APOH: variants seen among roughly 807,000 people sequenced by gnomAD.
The protein encoded by APOH is beta-2-glycoprotein 1.
In APOH, 48 loss-of-function variants were observed where a neutral mutation model predicts 39.8. The ratio of observed to expected loss-of-function variants is 1.21; its 90% CI spans 0.96 to 1.54. APOH has a LOEUF of 1.54. Among genes scored for constraint, APOH ranks in the 40% most tolerant of loss-of-function variants. APOH has a pLI of 0.00. For missense variants in APOH, 415 were observed against 421.2 expected, an observed-to-expected ratio of 0.99 and a Z score of 0.13; for synonymous variants, 153 against 151.1, an observed-to-expected ratio of 1.01 and a Z score of -0.09.
intron 3 of APOH, among the ~76,000 whole-genome samples, chr17:66,225,749 C>T (rs543263811): frequency 8.2e-4 from 124 of 152,132 alleles, no homozygotes; most frequent in African/African-American, 2.7e-3. Flanking sequence ...TGGTGGCGGG[C>T]GCCAGTAGTC....
Position 66,228,102 on chromosome 17 carries a change from C to G in APOH, c.159G>C (p.Pro53=). ...TCATCCCTCCTCGGGACACATAGCC[C>G]GGCTTGCAGGAATACGTAATCTCTT... ...PGEEITYSCK[P]GYVSRGGMRK... is the part of the protein sequence containing the mutation. The change falls in exon 2 of 8, where the codon CCG becomes CCC. Residue 53 remains proline (P), a synonymous_variant. Transcript: ENST00000205948. The G allele has an allele frequency of 6.2e-7, 1 of 1,614,200 alleles. No homozygotes were observed. Among genetic ancestry groups the G allele is most frequent in the Admixed American group, 1.7e-5 (1 of 60,020 alleles).
chr17:66,223,576 C>CA, intron 4 of APOH, 122 bp downstream of exon 4: 1 of 843,392 alleles, frequency 1.2e-6, no homozygotes, highest in Non-Finnish European at 2.0e-6. Flanking sequence ...TGAATATCCC[C>CA]CACAAGGGTG....
rs769732814 is a variant in APOH, at chr17:66,214,651, C to T, written c.785-1G>A. The T allele has an allele frequency of 6.2e-7, 1 of 1,609,468 alleles. No homozygotes were observed. ...TTTTTCACAGGTACTTTACAAGATGCTGAAAGAGAGAATACTTGTAATCAG... is the reference window on the plus strand; with the variant it reads ...TTTTTCACAGGTACTTTACAAGATGTTGAAAGAGAGAATACTTGTAATCAG... On this transcript the variant is annotated splice_acceptor_variant, in intron 6 of 7. Coordinates refer to ENST00000205948, the MANE Select transcript of APOH (RefSeq NM_000042.3). LOFTEE classifies it high-confidence loss of function.
Position 66,220,584 on chromosome 17 carries a change from C to T in APOH, c.574G>A (p.Gly192Arg), listed in dbSNP as rs1470334644. 3 of 1,614,014 alleles carry T rather than the reference C, an allele frequency of 1.9e-6. No homozygotes were observed. In the East Asian group the frequency reaches 6.7e-5, roughly 36 times the overall value. ...CATTCTGGTAATTTAGTCCAATTTC[C>T]ATGTGTCGTGCAGGTAATTGTATCA... ...GNDTITCTTHGNWTKLPECRE... is the reference protein window; with the variant it reads ...GNDTITCTTHRNWTKLPECRE... The change falls in exon 5 of 8, where the codon GGA (glycine) becomes AGA (arginine). Residue 192 changes from glycine (G) to arginine (R), a missense_variant. Coordinates refer to ENST00000205948, the MANE Select transcript of APOH (RefSeq NM_000042.3).
intron 5 of APOH, 71 bp from the exon 6 acceptor site, chr17:66,217,038 C>G (rs2073370101): frequency 7.8e-7 from 1 of 1,275,602 alleles, no homozygotes; most frequent in Non-Finnish European, 1.1e-6. Context: ...ATAGTTACAT[C>G]CTTGTCTCTG....
intron 6 of APOH, 83 bp downstream of exon 6, chr17:66,216,705 T>G (rs1320603765): frequency 2.0e-5 from 27 of 1,374,642 alleles, no homozygotes; most frequent in Non-Finnish European, 2.6e-5. Context: ...AGTGGAAAAG[T>G]GTTGGAACAA....
chr17:66,216,074 TCTGTAATCA>T (rs1399646040), intron 6 of APOH, among the ~76,000 whole-genome samples: 4 of 151,390 alleles, frequency 2.6e-5, no homozygotes, highest in Non-Finnish European at 4.4e-5. Context: ...GTGGCTCACA[TCTGTAATCA>T]CTCGAACCTG....
In APOH at chr17:66,223,693, C is replaced by G. The variant is rs2146997365; in HGVS notation, c.415+5G>C. 6.2e-7 allele frequency: 1 copy of G among 1,614,072 alleles called. No individual in the cohort carries two copies. The highest frequency in any genetic ancestry group is 8.5e-7 in the Non-Finnish European group (1 of 1,179,916). Reference sequence around the variant, plus strand: ...ACCAGCTGATCACCTTGCCCACAGACTTACGAGCACAGACAGGAAGCTCCG... The same window carrying G: ...ACCAGCTGATCACCTTGCCCACAGAGTTACGAGCACAGACAGGAAGCTCCG... On this transcript the variant is annotated splice_donor_5th_base_variant and intron_variant, in intron 4 of 7. Coordinates refer to ENST00000205948, the MANE Select transcript of APOH (RefSeq NM_000042.3).
chr17:66,222,551 C>G (rs2073408821), intron 4 of APOH, among the ~76,000 whole-genome samples: 1 of 140,402 alleles, frequency 7.1e-6, no homozygotes, highest in Non-Finnish European at 1.5e-5. Flanking sequence ...TTTGAAATTG[C>G]TTTACTTTCC....
At chr17:66,227,190 TA>T (rs2073445359) in intron 2 of APOH, among the ~76,000 whole-genome samples, 2 of 152,144 alleles carry the variant, frequency 1.3e-5, no homozygotes, top group Non-Finnish European at 2.9e-5. Flanking sequence ...GGCCCTGATT[TA>T]AAGAAAAATT....
intron 5 of APOH, among the ~76,000 whole-genome samples, 166 bp downstream of exon 5, chr17:66,220,388 C>G (rs951426903): frequency 6.6e-6 from 1 of 152,168 alleles, no homozygotes; most frequent in African/African-American, 2.4e-5. Flanking sequence ...TCTCATTCAT[C>G]GGGAATCCAC....
At chr17:66,219,727 A>G (rs7212477) in intron 5 of APOH, among the ~76,000 whole-genome samples, 67,991 of 151,850 alleles carry the variant, frequency 0.45, 17,473 homozygotes, top group East Asian at 0.83. Flanking sequence ...CAGACCAGCC[A>G]GATGATCATG....
Position 66,223,717 on chromosome 17 carries a change from C to A in APOH, c.396G>T (p.Pro132=). The A allele has an allele frequency of 6.2e-7, 1 of 1,614,124 alleles. No homozygotes were observed. The highest frequency in any genetic ancestry group is 1.1e-5 in the South Asian group (1 of 91,082). The change falls in exon 4 of 8, where the codon CCG becomes CCT. Residue 132 remains proline, a synonymous_variant. Transcript: ENST00000205948. ...AKCTEEGKWS[P]ELPVCAPIIC... is the part of the protein sequence containing the mutation. ...ACTTACGAGCACAGACAGGAAGCTCCGGGCTCCATTTTCCTTCCTCAGTGC... is the reference window on the plus strand; with the variant it reads ...ACTTACGAGCACAGACAGGAAGCTCAGGGCTCCATTTTCCTTCCTCAGTGC...
chr17:66,227,878 A>C (rs1243357190), intron 2 of APOH, 142 bp downstream of exon 2: 1 of 798,262 alleles, frequency 1.3e-6, no homozygotes, highest in Non-Finnish European at 2.0e-6. Flanking sequence ...GAACTCCCCA[A>C]GACCTTCTCA....
intron 2 of APOH, among the ~76,000 whole-genome samples, chr17:66,227,673 A>C (rs1211909000): frequency 1.3e-5 from 2 of 152,056 alleles, no homozygotes; most frequent in Non-Finnish European, 2.9e-5. Flanking sequence ...TGATTCCCCA[A>C]ATTTTGTTTT....
chr17:66,223,844 A>G, intron 3 of APOH, 70 bp from the exon 4 acceptor site: 2 of 1,323,400 alleles, frequency 1.5e-6, no homozygotes, highest in South Asian at 1.2e-5. Flanking sequence ...TATCTTCTCC[A>G]TTGAGCATTG....
rs556299359 is a variant in APOH at position 66,219,046 on chromosome 17, A to G, written c.604+1508T>C. On this transcript the variant is annotated intron_variant, in intron 5 of 7. Transcript: ENST00000205948. Reference sequence around the variant, plus strand: ...AATAATTATTATTATAGGAGACTAGAGAGACATGACAACTAAATTAAAGGT... The same window carrying G: ...AATAATTATTATTATAGGAGACTAGGGAGACATGACAACTAAATTAAAGGT... Among the ~76,000 whole-genome samples, 21 of 152,178 alleles carry G rather than the reference A, an allele frequency of 1.4e-4. 1 individual carries two copies. The South Asian group carries it at 3.3e-3, about 24-fold the overall frequency.
At position 66,228,901 on chromosome 17, in the gene APOH, C is replaced by T. The variant is rs2073456189; in HGVS notation, c.64+415G>A. ...AGACTGGAGTGCAATGGGGGGACCT[C>T]GGCTCACTGCAACCTCTGCCTCCCA... is the stretch of plus-strand genomic sequence containing the variant. On this transcript the variant is annotated intron_variant, in intron 1 of 7. Coordinates refer to ENST00000205948, the MANE Select transcript of APOH (RefSeq NM_000042.3). Among the ~76,000 whole-genome samples the T allele has an allele frequency of 5.9e-5, 9 of 151,934 alleles. No homozygotes were observed. In the South Asian group the frequency reaches 1.9e-3, roughly 32 times the overall value.
chr17:66,225,898 TA>T, intron 3 of APOH, 129 bp downstream of exon 3: 1 of 556,004 alleles, frequency 1.8e-6, no homozygotes, highest in African/African-American at 2.0e-5. Flanking sequence ...AAAGCAGGAC[TA>T]AAATCGATTT....
Sources: gnomAD v4.1 joint callset for allele counts (sites outside exome capture counted in the v4.1 genomes callset) on GRCh38, gnomAD v4.1.1 for gene constraint, MANE v1.5 for transcripts, NCBI Gene and HGNC (gene_info 2026-07-23, HGNC 2026-07-21) for gene names.